POFUT3: variants seen among roughly 807,000 people sequenced by gnomAD.
POFUT3 encodes GDP-fucose protein O-fucosyltransferase 3.
the POFUT3 span, among the ~76,000 whole-genome samples, chr8:33,357,242 A>C: frequency 3.3e-5 from 5 of 152,216 alleles, no homozygotes; most frequent in Non-Finnish European, 1.5e-5. Context: ...GATGGCACTG[A>C]ATCTATAAAT....
the POFUT3 span, among the ~76,000 whole-genome samples, chr8:33,310,473 C>T: frequency 6.6e-6 from 1 of 151,936 alleles, no homozygotes; most frequent in Non-Finnish European, 1.5e-5. Flanking sequence ...GCACTTTGGC[C>T]TCAAGGCAGG....
chr8:33,375,989 C>T, the POFUT3 span, among the ~76,000 whole-genome samples: 1 of 151,048 alleles, frequency 6.6e-6, no homozygotes, highest in African/African-American at 2.4e-5. Flanking sequence ...TGCACACCAG[C>T]CTGGGTGAGA....
the POFUT3 span, among the ~76,000 whole-genome samples, chr8:33,413,078 A>C: frequency 6.6e-6 from 1 of 152,160 alleles, no homozygotes; most frequent in African/African-American, 2.4e-5. Flanking sequence ...TCATTTTTTT[A>C]TTTATTCACT....
the POFUT3 span, among the ~76,000 whole-genome samples, chr8:33,450,198 C>G: frequency 2.0e-5 from 3 of 152,060 alleles, no homozygotes; most frequent in African/African-American, 7.2e-5. Flanking sequence ...GCCTTGGCCT[C>G]CCAAAGTGCT....
chr8:33,461,048 G>A, the POFUT3 span, among the ~76,000 whole-genome samples: 4 of 151,854 alleles, frequency 2.6e-5, no homozygotes, highest in South Asian at 2.1e-4. Flanking sequence ...CCAACTACTC[G>A]GGAGGTTGAG....
At chr8:33,455,894 GCC>G in the POFUT3 span, 1 of 368,206 alleles carries the variant, frequency 2.7e-6, no homozygotes, top group Non-Finnish European at 5.2e-6. Context: ...GGTATCCAAG[GCC>G]AAAAAAGAAA....
chr8:33,436,779 G>A, the POFUT3 span: 52 of 510,792 alleles, frequency 1.0e-4, no homozygotes, highest in Middle Eastern at 5.5e-4. Context: ...CTAAAATAGC[G>A]GCCAATTTTT....
At chr8:33,449,122 C>A in the POFUT3 span, among the ~76,000 whole-genome samples, 1 of 152,006 alleles carries the variant, frequency 6.6e-6, no homozygotes, top group African/African-American at 2.4e-5. Flanking sequence ...CCTTATTTAT[C>A]TTCTGTATTC....
chr8:33,329,787 A>G, the POFUT3 span, among the ~76,000 whole-genome samples: 1 of 152,196 alleles, frequency 6.6e-6, no homozygotes, highest in African/African-American at 2.4e-5. Flanking sequence ...GATATTTCTT[A>G]TAAATGGGTC....
the POFUT3 span, among the ~76,000 whole-genome samples, chr8:33,368,351 G>T: frequency 6.6e-6 from 1 of 152,048 alleles, no homozygotes; most frequent in Non-Finnish European, 1.5e-5. Flanking sequence ...TCCTTAATTG[G>T]GCCTACTACC....
the POFUT3 span, among the ~76,000 whole-genome samples, chr8:33,333,152 C>G: frequency 8.8e-4 from 134 of 152,332 alleles, no homozygotes; most frequent in African/African-American, 3.1e-3. Context: ...AGTTCTGCCT[C>G]TAAATGACTA....
At chr8:33,317,372 A>G in the POFUT3 span, among the ~76,000 whole-genome samples, 4 of 152,124 alleles carry the variant, frequency 2.6e-5, no homozygotes, top group African/African-American at 9.7e-5. Context: ...GAAGGAAGTC[A>G]TGCCCACAGG....
the POFUT3 span, among the ~76,000 whole-genome samples, chr8:33,461,194 G>GGAGA: frequency 0.049 from 498 of 10,186 alleles, 10 homozygotes; most frequent in African/African-American, 0.38. Context: ...AGGAAGGAAG[G>GGAGA]GAGGGAGGGA....
chr8:33,352,860 C>T, the POFUT3 span, among the ~76,000 whole-genome samples: 2 of 152,350 alleles, frequency 1.3e-5, no homozygotes, highest in South Asian at 4.1e-4. Context: ...TGGGACCACC[C>T]TATCCTCCTC....
chr8:33,432,677 G>A, the POFUT3 span, among the ~76,000 whole-genome samples: 1 of 152,078 alleles, frequency 6.6e-6, no homozygotes, highest in African/African-American at 2.4e-5. Context: ...TATACAGAAA[G>A]CCCAAATATG....
chr8:33,334,845 T>A, the POFUT3 span, among the ~76,000 whole-genome samples: 1 of 152,200 alleles, frequency 6.6e-6, no homozygotes, highest in Non-Finnish European at 1.5e-5. Context: ...CTGAAGCAAT[T>A]CAACTCCAAC....
At chr8:33,389,460 C>G in the POFUT3 span, 2 of 1,614,188 alleles carry the variant, frequency 1.2e-6, no homozygotes, top group Non-Finnish European at 1.7e-6. Flanking sequence ...GAATCGACCT[C>G]GATGTAAGTC....
chr8:33,416,252 TGGA>T, the POFUT3 span, among the ~76,000 whole-genome samples: 1 of 152,172 alleles, frequency 6.6e-6, no homozygotes, highest in Admixed American at 6.5e-5. Context: ...TCCAGGAAAG[TGGA>T]TATCCACGTA....
the POFUT3 span, among the ~76,000 whole-genome samples, chr8:33,442,858 T>C: frequency 7.9e-5 from 12 of 152,210 alleles, no homozygotes; most frequent in African/African-American, 2.9e-4. Flanking sequence ...AAAATGTAAG[T>C]TCATAAGGTT....
Sources: allele counts gnomAD v4.1 joint callset (sites outside exome capture counted in the v4.1 genomes callset), GRCh38; gene constraint gnomAD v4.1.1; transcripts MANE v1.5; gene names NCBI Gene and HGNC (gene_info 2026-07-23, HGNC 2026-07-21).